Variants in MEGF11 observed in about 807,000 individuals in gnomAD.
MEGF11 encodes multiple epidermal growth factor-like domains protein 11.
A neutral mutation model predicts 146.6 loss-of-function variants in MEGF11; 126 were observed. The ratio of observed to expected loss-of-function variants is 0.86; its 90% CI spans 0.74 to 1.00. MEGF11 has a LOEUF of 1.00. Ranked by LOEUF, MEGF11 falls within the 50% of genes least tolerant of loss-of-function variation. MEGF11 has a pLI of 0.00. For missense variants in MEGF11, 1,509 were observed against 1,521.2 expected (o/e 0.99, Z 0.13); for synonymous variants, 532 against 583.4 (o/e 0.91, Z 1.27).
intron 5 of MEGF11, among the ~76,000 whole-genome samples, chr15:66,050,740 A>G (rs2084414889): frequency 6.6e-6 from 1 of 152,194 alleles, no homozygotes; most frequent in South Asian, 2.1e-4. Context: ...TCCAGGAAGA[A>G]GGTCATTGCA....
At chr15:66,008,270 C>T (rs1364378127) in intron 5 of MEGF11, among the ~76,000 whole-genome samples, 1 of 152,072 alleles carries the variant, frequency 6.6e-6, no homozygotes, top group Admixed American at 6.5e-5. Context: ...AGGAAGGGGT[C>T]CCTGAGTCCT....
chr15:66,205,623 G>A (rs546429885), intron 1 of MEGF11, among the ~76,000 whole-genome samples: 4 of 152,348 alleles, frequency 2.6e-5, no homozygotes, highest in African/African-American at 9.6e-5. Flanking sequence ...ACCTTCTCCA[G>A]CTAGTAACAA....
intron 24 of MEGF11, 39 bp from the exon 25 acceptor site, chr15:65,898,973 A>C (rs1232043064): frequency 5.0e-6 from 8 of 1,603,308 alleles, no homozygotes; most frequent in Non-Finnish European, 6.8e-6. Flanking sequence ...AAGCAAGAAT[A>C]CAAGTCTTCA....
chr15:66,029,984 T>C (rs767604935), intron 5 of MEGF11, among the ~76,000 whole-genome samples: 6 of 152,238 alleles, frequency 3.9e-5, no homozygotes, highest in Non-Finnish European at 7.3e-5. Context: ...CCTTTTTCTA[T>C]TCCTGGGGAC....
Position 66,106,908 on chromosome 15 carries a change from G to T in MEGF11, c.301+12178C>A, listed in dbSNP as rs547397986. Among the ~76,000 whole-genome samples, 4 of 152,274 alleles carry T rather than the reference G, an allele frequency of 2.6e-5. No homozygotes were observed. In the South Asian group the frequency reaches 8.3e-4, roughly 32 times the overall value. ...AATATTCCTCTTCTCATTGGTAAAT[G>T]GTTGCTTACCCTTCCAAGACCCCCA... On this transcript the variant is annotated intron_variant, in intron 4 of 25. Transcript: ENST00000395614.
chr15:66,070,283 A>G (rs1372372979), intron 5 of MEGF11, among the ~76,000 whole-genome samples: 5 of 152,202 alleles, frequency 3.3e-5, no homozygotes, highest in African/African-American at 9.7e-5. Context: ...CCCTTCAATC[A>G]GAGCTTGAAG....
At chr15:65,915,428 G>T (rs1434862911) in intron 19 of MEGF11, 42 bp downstream of exon 19, 1 of 1,604,128 alleles carries the variant, frequency 6.2e-7, no homozygotes, top group East Asian at 2.2e-5. Flanking sequence ...CTGCCATGGG[G>T]CCCTTTCCAC....
chr15:66,060,196 G>T (rs74955891), intron 5 of MEGF11, among the ~76,000 whole-genome samples: 12,146 of 151,960 alleles, frequency 0.08, 548 homozygotes, highest in Middle Eastern at 0.095. Flanking sequence ...GAGGGATGGG[G>T]ATGGAGGGGG....
In MEGF11 at chr15:65,977,166, C is replaced by CA. The variant is rs372969314; in HGVS notation, c.762+3611dup. Among the ~76,000 whole-genome samples, 76 of 91,318 alleles carry CA rather than the reference C, an allele frequency of 8.3e-4. 3 individuals are homozygous for CA. Among genetic ancestry groups the CA allele is most frequent in the Admixed American group, 2.1e-3 (16 of 7,576 alleles). The allele number at this position is 91,318 out of a possible 152,430, so 59.9% of individuals were successfully genotyped here. On this transcript the variant is annotated intron_variant, in intron 7 of 25. Transcript: ENST00000395614. Reference sequence around the variant, plus strand: ...CCTGGGCAAGATTGAGACTCCGTCTCAAAAAAAAAAGAGGATCTTGGCTAA... The same window carrying CA: ...CCTGGGCAAGATTGAGACTCCGTCTCAAAAAAAAAAAGAGGATCTTGGCTAA...
rs899013880 is a variant in MEGF11 at position 66,221,886 on chromosome 15, G to A, written c.-9+31719C>T. 1.3e-4 allele frequency among the ~76,000 whole-genome samples: 19 copies of A among 150,178 alleles called. No homozygotes were observed. The East Asian group carries it at 1.4e-3, about 11-fold the overall frequency. ...TCCCATTACATAAAGCCACATAAAA[G>A]CTGCCCCTGCTAACAGCACTTTCCT... On this transcript the variant is annotated intron_variant, in intron 1 of 25. Transcript: ENST00000395614.
At chr15:66,173,965 C>T (rs2090328792) in intron 1 of MEGF11, among the ~76,000 whole-genome samples, 1 of 152,226 alleles carries the variant, frequency 6.6e-6, no homozygotes, top group African/African-American at 2.4e-5. Flanking sequence ...CCCTGCCTTC[C>T]TCTATAGCCT....
intron 5 of MEGF11, among the ~76,000 whole-genome samples, chr15:66,078,575 C>T (rs1407715883): frequency 1.3e-5 from 2 of 152,248 alleles, no homozygotes; most frequent in Non-Finnish European, 2.9e-5. Context: ...CCTTCTCCCT[C>T]TCCTTCCCCT....
At chr15:66,202,440 C>G (rs1295259117) in intron 1 of MEGF11, among the ~76,000 whole-genome samples, 1 of 152,198 alleles carries the variant, frequency 6.6e-6, no homozygotes, top group Non-Finnish European at 1.5e-5. Context: ...AACAGCCACT[C>G]AGGCAGAATG....
intron 1 of MEGF11, among the ~76,000 whole-genome samples, chr15:66,144,934 C>T (rs2089308219): frequency 6.6e-6 from 1 of 152,230 alleles, no homozygotes; most frequent in Non-Finnish European, 1.5e-5. Context: ...CACTGTTTCT[C>T]CCCATAGAGC....
In MEGF11 at chr15:66,058,077, C is replaced by T. The variant is rs550564882; in HGVS notation, c.394+36325G>A. ...ATATTAGCATCTCCACAATAGGGTG[C>T]ACACTGAGGCTTAATTAAAATGCAC... On this transcript the variant is annotated intron_variant, in intron 5 of 25. Transcript: ENST00000395614. Among the ~76,000 whole-genome samples, 16 of 152,100 alleles carry T rather than the reference C, an allele frequency of 1.1e-4. No individual in the cohort carries two copies. The South Asian group carries it at 3.3e-3, about 32-fold the overall frequency.
intron 1 of MEGF11, among the ~76,000 whole-genome samples, chr15:66,159,249 A>G (rs541682440): frequency 6.6e-5 from 10 of 152,356 alleles, no homozygotes; most frequent in African/African-American, 2.4e-4. Context: ...AACTCACACA[A>G]TGCCCAGAGG....
At chr15:66,161,214 G>C (rs1013313425) in intron 1 of MEGF11, among the ~76,000 whole-genome samples, 1 of 152,200 alleles carries the variant, frequency 6.6e-6, no homozygotes, top group Non-Finnish European at 1.5e-5. Flanking sequence ...GCAATGTACT[G>C]AGTGGGAGGA....
intron 7 of MEGF11, among the ~76,000 whole-genome samples, chr15:65,980,425 A>G (rs1230627893): frequency 1.0e-5 from 1 of 99,062 alleles, no homozygotes; most frequent in African/African-American, 4.5e-5. Context: ...TTTTTGTGAG[A>G]CAGAGTCTCA....
At chr15:65,941,094 A>G (rs1033235602) in intron 10 of MEGF11, among the ~76,000 whole-genome samples, 2 of 152,158 alleles carry the variant, frequency 1.3e-5, no homozygotes, top group Non-Finnish European at 2.9e-5. Context: ...ACACCTTCCA[A>G]CAGTTCCCAA....
Sources: gnomAD v4.1 joint callset for allele counts (sites outside exome capture counted in the v4.1 genomes callset) on GRCh38, gnomAD v4.1.1 for gene constraint, MANE v1.5 for transcripts, NCBI Gene and HGNC (gene_info 2026-07-23, HGNC 2026-07-21) for gene names.